Variants in LDAF1 observed in about 807,000 individuals in gnomAD.
LDAF1 encodes the protein lipid droplet assembly factor 1.
In LDAF1, 7 loss-of-function variants were observed where a neutral mutation model predicts 13.5. That is an observed-to-expected ratio of 0.52 (90% confidence interval 0.29 to 0.97). The LOEUF (loss-of-function observed/expected upper bound fraction) is 0.97. Among genes scored for constraint, LDAF1 ranks in the 50% least tolerant of loss-of-function variants. LDAF1 has a pLI of 0.07. For synonymous variants in LDAF1, 69 were observed against 77.1 expected, an observed-to-expected ratio of 0.89 and a Z score of 0.55; for missense variants, 148 against 193.2, an observed-to-expected ratio of 0.77 and a Z score of 1.39.
At chr16:21,158,929 A>G (rs974366392) in intron 1 of LDAF1, among the ~76,000 whole-genome samples, 183 bp downstream of exon 1, 1 of 151,924 alleles carries the variant, frequency 6.6e-6, no homozygotes, top group African/African-American at 2.4e-5. Flanking sequence ...AGTCGCCGGG[A>G]CGGGGCTGGG....
intron 4 of LDAF1, among the ~76,000 whole-genome samples, chr16:21,178,041 A>G (rs1485353148): frequency 6.6e-6 from 1 of 152,234 alleles, no homozygotes; most frequent in African/African-American, 2.4e-5. Context: ...TTTGGCCCTA[A>G]AACATAAAAG....
At chr16:21,162,308 T>G (rs1163972678) in intron 2 of LDAF1, among the ~76,000 whole-genome samples, 1 of 152,176 alleles carries the variant, frequency 6.6e-6, no homozygotes, top group Non-Finnish European at 1.5e-5. Flanking sequence ...AAACCCCCCG[T>G]GCGCATATTT....
At chr16:21,173,963 C>A in intron 3 of LDAF1, 47 bp from the exon 4 acceptor site, 1 of 1,578,642 alleles carries the variant, frequency 6.3e-7, no homozygotes, top group Non-Finnish European at 8.6e-7. Flanking sequence ...TGCCAGTTTT[C>A]AACCTGTTTG....
intron 3 of LDAF1, 83 bp downstream of exon 3, chr16:21,170,688 A>G: frequency 6.5e-7 from 1 of 1,543,628 alleles, no homozygotes; most frequent in South Asian, 1.2e-5. Flanking sequence ...AAATTTTTTT[A>G]AGGGGCGGGG....
intron 2 of LDAF1, among the ~76,000 whole-genome samples, chr16:21,165,219 G>C (rs190894741): frequency 6.6e-6 from 1 of 152,164 alleles, no homozygotes; most frequent in Non-Finnish European, 1.5e-5. Context: ...CTAGCACTTC[G>C]GGAGGCCGAG....
intron 4 of LDAF1, chr16:21,178,669 A>G (rs983279725): frequency 6.6e-6 from 1 of 152,246 alleles, no homozygotes; most frequent in Non-Finnish European, 1.5e-5. Context: ...AGGAGAAAAA[A>G]ATGGAGTCTG....
chr16:21,160,794 T>G (rs917440205), intron 1 of LDAF1, among the ~76,000 whole-genome samples: 1 of 152,232 alleles, frequency 6.6e-6, no homozygotes, highest in Non-Finnish European at 1.5e-5. Flanking sequence ...AATTTTCTCC[T>G]AATGGAAATA....
In LDAF1 at chr16:21,172,468, A is replaced by AGAAAGAAAG. The variant is rs1555455876; in HGVS notation, c.266-1542_266-1541insGAAAGAAAG. ...TCTCAAAAAAAAGAAAAGAAAAGAA[A>AGAAAGAAAG]AAAGAAAGAAAGAAAGAAAAAAGTG... On this transcript the variant is annotated intron_variant, in intron 3 of 4. Coordinates refer to ENST00000233047, the MANE Select transcript of LDAF1 (RefSeq NM_001301771.2). Among the ~76,000 whole-genome samples the AGAAAGAAAG allele has an allele frequency of 9.9e-5, 15 of 152,146 alleles. No individual in the cohort carries two copies. In the South Asian group the frequency reaches 3.1e-3, roughly 32 times the overall value.
At chr16:21,179,266 A>G (rs2093163575) in intron 4 of LDAF1, 37 of 702,412 alleles carry the variant, frequency 5.3e-5, no homozygotes, top group Non-Finnish European at 6.5e-5. Flanking sequence ...AGAAAATGGA[A>G]AAGGGGCCGT....
chr16:21,166,423 T>C (rs930640767), intron 2 of LDAF1, among the ~76,000 whole-genome samples: 1 of 152,176 alleles, frequency 6.6e-6, no homozygotes, highest in African/African-American at 2.4e-5. Context: ...AACAACTGAA[T>C]CAAGTCTCAG....
chr16:21,168,688 C>A (rs1384513855), intron 2 of LDAF1, among the ~76,000 whole-genome samples: 1 of 131,436 alleles, frequency 7.6e-6, no homozygotes, highest in South Asian at 2.3e-4. Flanking sequence ...TATTACATTA[C>A]AATTATATTT....
At chr16:21,171,088 T>C (rs1460633247) in intron 3 of LDAF1, among the ~76,000 whole-genome samples, 1 of 152,210 alleles carries the variant, frequency 6.6e-6, no homozygotes, top group Non-Finnish European at 1.5e-5. Flanking sequence ...CTATTATTAT[T>C]AAGCAGAGAG....
intron 2 of LDAF1, among the ~76,000 whole-genome samples, chr16:21,166,681 G>A (rs151095973): frequency 2.6e-5 from 4 of 152,324 alleles, no homozygotes; most frequent in African/African-American, 9.6e-5. Flanking sequence ...CCCCACTGTG[G>A]TTCTTTGGAT....
chr16:21,166,447 A>C (rs2093025024), intron 2 of LDAF1, among the ~76,000 whole-genome samples: 1 of 152,252 alleles, frequency 6.6e-6, no homozygotes, highest in African/African-American at 2.4e-5. Flanking sequence ...TAAAATTTAA[A>C]TTAAATTAAA....
In LDAF1 at chr16:21,170,599, T is replaced by C. The variant is rs769557973; in HGVS notation, c.259T>C (p.Leu87=). 3.1e-6 allele frequency: 5 copies of C among 1,614,166 alleles called. No homozygotes were observed. The East Asian group carries it at 6.7e-5, about 22-fold the overall frequency. The part of the protein sequence containing the change: ...TLAALLGVII[L]EGLVISVGGF... ...GGCTGCTCTGCTGGGGGTCATAATA[T>C]TGGAAGGTAGCCTGTTCCGTCATTC... Residue 87 remains leucine, a synonymous_variant, in exon 3 of 5, where the codon TTG becomes CTG. Coordinates refer to ENST00000233047, the MANE Select transcript of LDAF1 (RefSeq NM_001301771.2).
At chr16:21,168,465 C>T (rs2093047143) in intron 2 of LDAF1, among the ~76,000 whole-genome samples, 1 of 149,572 alleles carries the variant, frequency 6.7e-6, no homozygotes, top group Admixed American at 6.7e-5. Context: ...AAGTGATTAG[C>T]TTTTAATGCT....
At chr16:21,161,356 C>T in intron 2 of LDAF1, 78 bp downstream of exon 2, 2 of 1,512,934 alleles carry the variant, frequency 1.3e-6, no homozygotes, top group Non-Finnish European at 1.8e-6. Flanking sequence ...TTATTTCTTT[C>T]TCCAGTAGAA....
intron 4 of LDAF1, among the ~76,000 whole-genome samples, chr16:21,177,834 T>G (rs975080965): frequency 4.6e-5 from 7 of 152,028 alleles, no homozygotes; most frequent in African/African-American, 1.7e-4. Flanking sequence ...GCCAGGCTGG[T>G]CTTGAACTCC....
At chr16:21,166,912 G>A (rs2093029544) in intron 2 of LDAF1, 1 of 1,535,618 alleles carries the variant, frequency 6.5e-7, no homozygotes, top group Non-Finnish European at 8.7e-7. Context: ...TGGCTCCAAG[G>A]TGATTCCTGC....
Sources: gnomAD v4.1 joint callset for allele counts (sites outside exome capture counted in the v4.1 genomes callset) on GRCh38, gnomAD v4.1.1 for gene constraint, MANE v1.5 for transcripts, NCBI Gene and HGNC (gene_info 2026-07-23, HGNC 2026-07-21) for gene names.